PIP4K2B: variants seen among roughly 807,000 people sequenced by gnomAD.
The protein encoded by PIP4K2B is phosphatidylinositol 5-phosphate 4-kinase type-2 beta.
PIP4K2B carries 3 observed loss-of-function variants against 42.0 expected under a neutral mutation model. The ratio of observed to expected loss-of-function variants is 0.07; its 90% CI spans 0.03 to 0.18. The LOEUF (loss-of-function observed/expected upper bound fraction) is 0.18. Among genes scored for constraint, PIP4K2B ranks in the 10% least tolerant of loss-of-function variants. The probability of loss-of-function intolerance (pLI) is 1.00; values close to 1 mark genes in which losing one functional copy is unlikely to be tolerated. For missense variants in PIP4K2B, 332 were observed against 562.3 expected, an observed-to-expected ratio of 0.59 and a Z score of 4.14; for synonymous variants, 204 against 210.1, an observed-to-expected ratio of 0.97 and a Z score of 0.25.
At chr17:38,778,427 G>A (rs1020761728) in intron 5 of PIP4K2B, 55 bp from the exon 6 acceptor site, 1 of 1,527,348 alleles carries the variant, frequency 6.5e-7, no homozygotes, top group East Asian at 2.2e-5. Flanking sequence ...TCGACTGCAT[G>A]AGCAAACATG....
chr17:38,784,569 T>G (rs1216920095), intron 2 of PIP4K2B, among the ~76,000 whole-genome samples: 1 of 152,106 alleles, frequency 6.6e-6, no homozygotes, highest in Non-Finnish European at 1.5e-5. Context: ...CTCTTCAAAG[T>G]GTGGTCCACA....
At chr17:38,784,447 A>T (rs1909891762) in intron 2 of PIP4K2B, 108 bp from the exon 3 acceptor site, 1 of 642,834 alleles carries the variant, frequency 1.6e-6, no homozygotes. Flanking sequence ...TGTTGCCCAG[A>T]CTGGTCTTGA....
Position 38,771,219 on chromosome 17 carries a change from G to A in PIP4K2B, c.861C>T (p.Asp287=), listed in dbSNP as rs762034770. 5 of 1,614,072 alleles carry A rather than the reference G, an allele frequency of 3.1e-6. No individual in the cohort carries two copies. The highest frequency in any genetic ancestry group is 2.2e-5 in the East Asian group (1 of 44,872). Residue 287 remains aspartate, a synonymous_variant, in exon 8 of 10, where the codon GAC becomes GAT. Coordinates refer to ENST00000619039, the MANE Select transcript of PIP4K2B (RefSeq NM_003559.5). ...TCTCCTCCTGCTCTGCCCGGTCCAC[G>A]TCGTGGATGCCCACCAGCAGGCTGT... ...MDYSLLVGIH[D]VDRAEQEEME...
At chr17:38,796,441 G>C (rs945224357) in intron 1 of PIP4K2B, among the ~76,000 whole-genome samples, 8 of 152,146 alleles carry the variant, frequency 5.3e-5, no homozygotes, top group Non-Finnish European at 1.2e-4. Context: ...ACCTCCCATG[G>C]TCTCCATGCT....
rs1908892804 is a variant in PIP4K2B, at chr17:38,769,584, C to T, written c.*107G>A. 7.8e-6 allele frequency: 6 copies of T among 767,436 alleles called. No homozygotes were observed. The highest frequency in any genetic ancestry group is 1.7e-5 in the Admixed American group (1 of 57,324). The allele number at this position is 767,436 out of a possible 1,614,324, so 47.5% of individuals were successfully genotyped here. On this transcript the variant is annotated 3_prime_UTR_variant, in exon 10 of 10. Coordinates refer to ENST00000619039, the MANE Select transcript of PIP4K2B (RefSeq NM_003559.5). ...CTCATTGCTAAAGCCCTCCCAAACC[C>T]GACTCTGCTCCCACCCTCCCATCTA... is the stretch of plus-strand genomic sequence containing the variant.
intron 1 of PIP4K2B, among the ~76,000 whole-genome samples, chr17:38,798,414 G>A (rs931645306): frequency 2.0e-5 from 3 of 152,184 alleles, no homozygotes; most frequent in African/African-American, 7.2e-5. Flanking sequence ...CTTCCTGGCA[G>A]GGGCTGTTGA....
At position 38,784,345 on chromosome 17, in the gene PIP4K2B, G is replaced by A. The variant is rs772255790; in HGVS notation, c.258-6C>T. Reference sequence around the variant, plus strand: ...AGCGGCTGGGCAGGTTCTCCCTAGGGAAAAGCAGAGATATGTCTTTGTGAA... The same window carrying A: ...AGCGGCTGGGCAGGTTCTCCCTAGGAAAAAGCAGAGATATGTCTTTGTGAA... On this transcript the variant is annotated splice_region_variant and splice_polypyrimidine_tract_variant and intron_variant, in intron 2 of 9. Coordinates refer to ENST00000619039, the MANE Select transcript of PIP4K2B (RefSeq NM_003559.5). 4 of 1,553,374 alleles carry A rather than the reference G, an allele frequency of 2.6e-6. No homozygotes were observed. In the East Asian group the frequency reaches 9.0e-5, roughly 35 times the overall value.
At chr17:38,773,744 G>A (rs139550984) in intron 7 of PIP4K2B, among the ~76,000 whole-genome samples, 85 of 152,302 alleles carry the variant, frequency 5.6e-4, no homozygotes, top group African/African-American at 1.8e-3. Context: ...CTTGGAAGAG[G>A]AAGGGAGGGA....
At chr17:38,773,116 T>C (rs942794712) in intron 7 of PIP4K2B, among the ~76,000 whole-genome samples, 1 of 152,076 alleles carries the variant, frequency 6.6e-6, no homozygotes, top group Admixed American at 6.6e-5. Flanking sequence ...TAAAATAGAA[T>C]AGAAAATATC....
intron 4 of PIP4K2B, 39 bp downstream of exon 4, chr17:38,780,413 A>G: frequency 6.4e-7 from 1 of 1,569,752 alleles, no homozygotes; most frequent in South Asian, 1.1e-5. Context: ...TCCCTCTTCC[A>G]ACCCATCCTC....
rs535395780 is a variant in PIP4K2B, at chr17:38,788,897, G to A, written c.160-1977C>T. Among the ~76,000 whole-genome samples the A allele has an allele frequency of 2.6e-5, 4 of 151,908 alleles. No homozygotes were observed. The South Asian group carries it at 8.3e-4, about 32-fold the overall frequency. On this transcript the variant is annotated intron_variant, in intron 1 of 9. Transcript: ENST00000619039. ...GAACCCAGGAGGCATAAGGTATAGT[G>A]GGCCGAGATCGCGCCACTGCCTGGG... is the stretch of plus-strand genomic sequence containing the variant.
chr17:38,779,410 G>A lies in PIP4K2B; in HGVS notation c.627C>T (p.Leu209=). ...VVTRNVFSHR[L]TVHRKYDLKG... The stretch of plus-strand genomic sequence containing the variant: ...TGAGGTCATACTTGCGATGCACAGT[G>A]AGCCGATGGCTGAACACGTTCCTGG... The change falls in exon 5 of 10, where the codon CTC becomes CTT. Residue 209 remains leucine, a synonymous_variant. Coordinates refer to ENST00000619039, the MANE Select transcript of PIP4K2B (RefSeq NM_003559.5). The A allele has an allele frequency of 6.2e-7, 1 of 1,612,864 alleles. No homozygotes were observed. The highest frequency in any genetic ancestry group is 8.5e-7 in the Non-Finnish European group (1 of 1,179,664).
At chr17:38,788,025 G>C (rs1310581545) in intron 1 of PIP4K2B, among the ~76,000 whole-genome samples, 1 of 152,146 alleles carries the variant, frequency 6.6e-6, no homozygotes, top group African/African-American at 2.4e-5. Context: ...ATGATCAATA[G>C]ATAAATGTCT....
chr17:38,774,997 T>C (rs1909255790), intron 7 of PIP4K2B, among the ~76,000 whole-genome samples: 1 of 151,810 alleles, frequency 6.6e-6, no homozygotes, highest in Non-Finnish European at 1.5e-5. Flanking sequence ...TCGCCCAGGC[T>C]GGAGTGCAGT....
intron 6 of PIP4K2B, 141 bp downstream of exon 6, chr17:38,778,193 C>G (rs1909474515): frequency 1.2e-6 from 1 of 806,906 alleles, no homozygotes; most frequent in Non-Finnish European, 2.2e-6. Flanking sequence ...ACAGGTGATT[C>G]ATGACACACG....
intron 7 of PIP4K2B, among the ~76,000 whole-genome samples, chr17:38,777,220 C>T (rs571289388): frequency 1.8e-4 from 28 of 152,102 alleles, no homozygotes; most frequent in African/African-American, 6.0e-4. Context: ...TGTGCCCCTA[C>T]GCCTGGCTAA....
intron 7 of PIP4K2B, chr17:38,776,087 C>T: frequency 2.3e-6 from 1 of 438,916 alleles, no homozygotes; most frequent in Non-Finnish European, 4.6e-6. Flanking sequence ...TCTCTTGCCT[C>T]AGCCTCCCAA....
chr17:38,767,835 G>C lies in PIP4K2B; in HGVS notation c.*1856C>G, dbSNP rs1192153780. On this transcript the variant is annotated 3_prime_UTR_variant, in exon 10 of 10. Transcript: ENST00000619039. ...TCAAATTTGTTTTCTCCATGAGCCA[G>C]TTGGTTTCAAGTTCCCTAAGTCATG... 1 of 152,244 alleles carries C rather than the reference G, an allele frequency of 6.6e-6. No individual in the cohort carries two copies. The highest frequency in any genetic ancestry group is 1.5e-5 in the Non-Finnish European group (1 of 68,060). 9.4% of individuals were successfully genotyped at this position (152,244 alleles called of 1,614,324 possible). A position where few individuals can be genotyped will look rare whatever the true frequency, so the allele number is the denominator to read the frequency against.
chr17:38,770,212 TG>T (rs1469668633), intron 9 of PIP4K2B, among the ~76,000 whole-genome samples: 1 of 152,066 alleles, frequency 6.6e-6, no homozygotes, highest in Non-Finnish European at 1.5e-5. Context: ...GCTGGAGAAC[TG>T]GGGGATAAAC....
Sources: gnomAD v4.1 joint callset for allele counts (sites outside exome capture counted in the v4.1 genomes callset) on GRCh38, gnomAD v4.1.1 for gene constraint, MANE v1.5 for transcripts, NCBI Gene and HGNC (gene_info 2026-07-23, HGNC 2026-07-21) for gene names.